The following ARMC2 variants were observed in gnomAD, a reference collection of about 807,000 sequenced individuals.
ARMC2 encodes armadillo repeat containing 2.
In ARMC2, 67 loss-of-function variants were observed where a neutral mutation model predicts 90.3. The ratio of observed to expected loss-of-function variants is 0.74; its 90% CI spans 0.61 to 0.91. ARMC2 has a LOEUF of 0.91. Among genes scored for constraint, ARMC2 ranks in the 40% least tolerant of loss-of-function variants. ARMC2 has a pLI of 0.00. For synonymous variants in ARMC2, 393 were observed against 393.0 expected (o/e 1.00, Z 0.00); for missense variants, 920 against 1,030.9 (o/e 0.89, Z 1.47).
In ARMC2 at chr6:108,848,478, C is replaced by A. The variant is rs1051602167; in HGVS notation, c.-112C>A. 1 of 152,410 alleles carries A rather than the reference C, an allele frequency of 6.6e-6. No individual in the cohort carries two copies. Among genetic ancestry groups the A allele is most frequent in the Admixed American group, 6.5e-5 (1 of 15,292 alleles). The allele number at this position is 152,410 out of a possible 1,614,324, so 9.4% of individuals were successfully genotyped here. The stretch of plus-strand genomic sequence containing the variant: ...CCCGCGCCAGCGCTGCATCCCTGGC[C>A]GCTACCCGGGGAGAGCCGGAGGATG... On this transcript the variant is annotated 5_prime_UTR_variant, in exon 1 of 18. Coordinates refer to ENST00000392644, the MANE Select transcript of ARMC2 (RefSeq NM_032131.6).
intron 13 of ARMC2, among the ~76,000 whole-genome samples, chr6:108,957,031 C>T (rs945132896): frequency 1.3e-5 from 2 of 152,152 alleles, no homozygotes; most frequent in Non-Finnish European, 2.9e-5. Flanking sequence ...TGGTCAAGGG[C>T]CTCCCTGTGA....
the ARMC2 span, among the ~76,000 whole-genome samples, chr6:109,020,683 C>G: frequency 6.6e-6 from 1 of 152,154 alleles, no homozygotes; most frequent in Non-Finnish European, 1.5e-5. Flanking sequence ...TCAAGAGTTA[C>G]AGATTTCATC....
chr6:108,876,648 TC>T (rs951390812), intron 5 of ARMC2, among the ~76,000 whole-genome samples: 2 of 152,230 alleles, frequency 1.3e-5, no homozygotes, highest in African/African-American at 2.4e-5. Context: ...TGATGACTGA[TC>T]ATTCCGTTTG....
At chr6:109,028,920 G>A in the ARMC2 span, among the ~76,000 whole-genome samples, 2 of 152,314 alleles carry the variant, frequency 1.3e-5, no homozygotes, top group African/African-American at 4.8e-5. Flanking sequence ...ATGGTGACAT[G>A]AGAGCGGGTA....
rs781175381 is a variant in ARMC2, at chr6:108,904,340, C to T, written c.958C>T (p.Leu320=). 21 of 1,613,376 alleles carry T rather than the reference C, an allele frequency of 1.3e-5. No individual in the cohort carries two copies. The highest frequency in any genetic ancestry group is 1.6e-4 in the Middle Eastern group (1 of 6,084). The part of the protein sequence containing the change: ...FKGRSILLKT[L]CKLVDVGSDS... ...GGGAAGAAGTATTCTCCTGAAGACC[C>T]TGTGTAAACTAGTTGATGTTGGTTC... Residue 320 remains leucine (L), a synonymous_variant, in exon 8 of 18, where the codon CTG becomes TTG. Transcript: ENST00000392644.
the ARMC2 span, chr6:108,992,650 AC>A: frequency 1.2e-5 from 8 of 666,792 alleles, no homozygotes; most frequent in Admixed American, 2.6e-5. Flanking sequence ...ACAGTCTTTC[AC>A]CTTTTATTCT....
chr6:109,002,267 A>G, the ARMC2 span: 1 of 1,612,108 alleles, frequency 6.2e-7, no homozygotes, highest in Non-Finnish European at 8.5e-7. Flanking sequence ...GTACTTTCAC[A>G]AACAACGTAC....
At chr6:108,908,354 A>T (rs1773025392) in intron 8 of ARMC2, among the ~76,000 whole-genome samples, 2 of 152,210 alleles carry the variant, frequency 1.3e-5, no homozygotes, top group Non-Finnish European at 2.9e-5. Flanking sequence ...CTGGGGGCTG[A>T]CCATGGCCGT....
At chr6:108,990,975 A>G in the ARMC2 span, 1 of 650,244 alleles carries the variant, frequency 1.5e-6, no homozygotes, top group Non-Finnish European at 2.6e-6. Context: ...AGCTTCACTT[A>G]CACTCCAATC....
intron 11 of ARMC2, among the ~76,000 whole-genome samples, chr6:108,933,097 T>A (rs1234922970): frequency 1.3e-5 from 2 of 152,106 alleles, no homozygotes; most frequent in Admixed American, 6.5e-5. Flanking sequence ...TTTCTAGTTC[T>A]GTGAAGAATG....
intron 7 of ARMC2, among the ~76,000 whole-genome samples, chr6:108,901,892 G>T (rs1772199574): frequency 6.6e-6 from 1 of 152,210 alleles, no homozygotes; most frequent in Non-Finnish European, 1.5e-5. Flanking sequence ...TGATCTTGAT[G>T]TATTTGAGGA....
At chr6:108,870,196 C>T (rs564548324) in intron 4 of ARMC2, among the ~76,000 whole-genome samples, 2 of 152,102 alleles carry the variant, frequency 1.3e-5, no homozygotes, top group African/African-American at 4.8e-5. Context: ...ATCACAGCCC[C>T]CACCTGAGCA....
At chr6:109,033,408 G>C in the ARMC2 span, among the ~76,000 whole-genome samples, 1 of 152,122 alleles carries the variant, frequency 6.6e-6, no homozygotes, top group Non-Finnish European at 1.5e-5. Context: ...ATAAGCAAAG[G>C]TGGCATTGTC....
intron 12 of ARMC2, among the ~76,000 whole-genome samples, chr6:108,938,969 A>T (rs1454077391): frequency 1.3e-5 from 2 of 152,224 alleles, no homozygotes; most frequent in African/African-American, 4.8e-5. Context: ...TGAGTAACTA[A>T]ATGTCCTAAA....
intron 3 of ARMC2, among the ~76,000 whole-genome samples, chr6:108,863,636 AG>A (rs1457414012): frequency 6.6e-6 from 1 of 152,228 alleles, no homozygotes; most frequent in Non-Finnish European, 1.5e-5. Flanking sequence ...ATACACAGGA[AG>A]TGTTGTCTTT....
At chr6:108,979,040 T>C (rs924225564), downstream of ARMC2, among the ~76,000 whole-genome samples, 4 of 152,228 alleles carry the variant, frequency 2.6e-5, no homozygotes, top group Non-Finnish European at 5.9e-5. Context: ...CCTGTCATTA[T>C]GATGATAGCT....
chr6:108,942,616 T>C (rs1776535085), intron 12 of ARMC2, among the ~76,000 whole-genome samples: 1 of 152,162 alleles, frequency 6.6e-6, no homozygotes, highest in South Asian at 2.1e-4. Context: ...ATTTTTTTTT[T>C]CAGCTCCTGG....
In ARMC2 at chr6:108,876,329, C is replaced by T; in HGVS notation, c.650C>T (p.Pro217Leu). 4.3e-6 allele frequency: 7 copies of T among 1,611,694 alleles called. No individual in the cohort carries two copies. The highest frequency in any genetic ancestry group is 5.9e-6 in the Non-Finnish European group (7 of 1,179,176). The part of the protein sequence containing the change: ...QEMFKGTTSL[P>L]SHLKNGGDQG... Reference sequence around the variant, plus strand: ...ATGTTCAAAGGAACAACATCTTTACCATCTCATCTCAAGAATGGAGGGTCA... The same window carrying T: ...ATGTTCAAAGGAACAACATCTTTACTATCTCATCTCAAGAATGGAGGGTCA... The change falls in exon 5 of 18, where the codon CCA becomes CTA. Residue 217 changes from proline (P) to leucine (L), a missense_variant. Pro to Leu is a moderately conservative substitution (Grantham distance 98). Transcript: ENST00000392644.
At chr6:108,877,142 A>G (rs1452481730) in intron 5 of ARMC2, among the ~76,000 whole-genome samples, 2 of 152,142 alleles carry the variant, frequency 1.3e-5, no homozygotes, top group Non-Finnish European at 2.9e-5. Flanking sequence ...AGTTTAAGAT[A>G]TTTTTTTCTA....
Sources: allele counts gnomAD v4.1 joint callset (sites outside exome capture counted in the v4.1 genomes callset), GRCh38; gene constraint gnomAD v4.1.1; transcripts MANE v1.5; gene names NCBI Gene and HGNC (gene_info 2026-07-23, HGNC 2026-07-21).